Variants in INPP4A observed in about 807,000 individuals in gnomAD.
INPP4A encodes inositol polyphosphate-4-phosphatase type I A.
INPP4A carries 33 observed loss-of-function variants against 119.8 expected under a neutral mutation model. The observed-to-expected ratio is 0.28, with a 90% confidence interval of 0.21 to 0.37. The LOEUF is 0.37. Ranked by LOEUF, INPP4A falls within the 10% of genes least tolerant of loss-of-function variation. The pLI is 1.00. For missense variants in INPP4A, 956 were observed against 1,289.9 expected, an observed-to-expected ratio of 0.74 and a Z score of 3.97; for synonymous variants, 496 against 500.7, an observed-to-expected ratio of 0.99 and a Z score of 0.12.
At chr2:98,528,733 G>A (rs1030776926) in intron 4 of INPP4A, among the ~76,000 whole-genome samples, 10 of 152,182 alleles carry the variant, frequency 6.6e-5, no homozygotes. Flanking sequence ...TGGAGGTCAG[G>A]AAGGTGGTAG....
In INPP4A at chr2:98,500,648, GA is replaced by G. The variant is rs3835898; in HGVS notation, c.-165-18315del. On this transcript the variant is annotated intron_variant, in intron 1 of 24. Coordinates refer to ENST00000409851, the MANE Select transcript of INPP4A (RefSeq NM_001134225.2). ...GGGTCAGTGGATGGGAACTTACTAA[GA>G]GGAAACATTGAGAGTAAAGTGGATT... is the stretch of plus-strand genomic sequence containing the variant. Among the ~76,000 whole-genome samples, 895 of 152,242 alleles carry G rather than the reference GA, an allele frequency of 5.9e-3. 51 individuals carry two copies. The East Asian group carries it at 0.13, about 22-fold the overall frequency.
intron 22 of INPP4A, chr2:98,571,868 C>T (rs965256598): frequency 2.0e-5 from 3 of 152,572 alleles, no homozygotes; most frequent in Admixed American, 2.0e-4. Context: ...AAGCTCCCCT[C>T]CTCTGGGCTC....
intron 1 of INPP4A, among the ~76,000 whole-genome samples, 196 bp downstream of exon 1, chr2:98,445,281 C>G (rs1693997618): frequency 6.6e-6 from 1 of 150,774 alleles, no homozygotes; most frequent in South Asian, 2.1e-4. Flanking sequence ...ACAATCCGAG[C>G]CCGGCCGACC....
intron 13 of INPP4A, chr2:98,548,988 G>A: frequency 1.2e-6 from 2 of 1,611,210 alleles, no homozygotes; most frequent in Non-Finnish European, 1.7e-6. Context: ...TCTGTCTGTG[G>A]AGAGAGTGTC....
intron 13 of INPP4A, chr2:98,552,499 A>G: frequency 1.9e-6 from 1 of 521,644 alleles, no homozygotes; most frequent in East Asian, 4.6e-5. Flanking sequence ...ATGGGATATG[A>G]TTGTTCAATA....
At chr2:98,523,070 AGGGTCATCACAAGAGAGAAGTG>A (rs1687520566) in intron 4 of INPP4A, among the ~76,000 whole-genome samples, 1 of 152,254 alleles carries the variant, frequency 6.6e-6, no homozygotes, top group Non-Finnish European at 1.5e-5. Context: ...TCCAGGAAAC[AGGGTCATCACAAGAGAGAAGTG>A]GAAGGAATCC....
chr2:98,470,887 C>T lies in INPP4A; in HGVS notation c.-166+25802C>T, dbSNP rs181063331. Among the ~76,000 whole-genome samples, 296 of 152,216 alleles carry T rather than the reference C, an allele frequency of 1.9e-3. 1 individual carries two copies. The highest frequency in any genetic ancestry group is 3.8e-3 in the Non-Finnish European group (255 of 67,998). On this transcript the variant is annotated intron_variant, in intron 1 of 24. Transcript: ENST00000409851. ...TTCACCATGTTAGCCAGGCTGATCT[C>T]GAACTCCTGACCTGGTGATCCACCC...
At chr2:98,509,034 G>GC (rs1250963241) in intron 1 of INPP4A, among the ~76,000 whole-genome samples, 2 of 152,206 alleles carry the variant, frequency 1.3e-5, no homozygotes, top group African/African-American at 4.8e-5. Flanking sequence ...TAGCAAGCCA[G>GC]CCCCTCACCC....
intron 4 of INPP4A, among the ~76,000 whole-genome samples, chr2:98,530,804 A>G (rs987263020): frequency 6.6e-6 from 1 of 152,246 alleles, no homozygotes. Context: ...GACAGACACT[A>G]AAATAACTGT....
chr2:98,479,277 G>A (rs1236146682), intron 1 of INPP4A, among the ~76,000 whole-genome samples: 1 of 152,194 alleles, frequency 6.6e-6, no homozygotes, highest in Admixed American at 6.5e-5. Flanking sequence ...CAGTGGTGCT[G>A]ATGGGGGGTA....
intron 4 of INPP4A, among the ~76,000 whole-genome samples, chr2:98,530,865 G>C (rs185888020): frequency 4.9e-4 from 75 of 152,298 alleles, no homozygotes; most frequent in Non-Finnish European, 4.4e-5. Flanking sequence ...GAATATTGTA[G>C]ACTGGGTGAC....
At chr2:98,541,082 C>T (rs1393012187) in intron 10 of INPP4A, among the ~76,000 whole-genome samples, 1 of 152,208 alleles carries the variant, frequency 6.6e-6, no homozygotes, top group Non-Finnish European at 1.5e-5. Flanking sequence ...AATCCCAGCA[C>T]TTTGGGAGGC....
chr2:98,467,777 C>G (rs1675097720), intron 1 of INPP4A, among the ~76,000 whole-genome samples: 1 of 152,140 alleles, frequency 6.6e-6, no homozygotes, highest in Non-Finnish European at 1.5e-5. Flanking sequence ...TAGAAAAGGA[C>G]AAATGAGTTG....
chr2:98,507,608 G>A (rs1684320616), intron 1 of INPP4A, among the ~76,000 whole-genome samples: 1 of 152,092 alleles, frequency 6.6e-6, no homozygotes, highest in African/African-American at 2.4e-5. Context: ...GGCTCAAGCT[G>A]GAGAGAACTG....
intron 1 of INPP4A, among the ~76,000 whole-genome samples, chr2:98,476,651 G>A (rs1297609098): frequency 2.6e-5 from 4 of 152,134 alleles, no homozygotes; most frequent in South Asian, 2.1e-4. Context: ...ATTCTGAAGC[G>A]TGTCCAGCAG....
Position 98,546,508 on chromosome 2 carries a change from C to T in INPP4A, c.1055-78C>T. On this transcript the variant is annotated intron_variant, in intron 12 of 24. Transcript: ENST00000409851. The surrounding 1 kb of genome is among the most constrained non-coding windows in gnomAD (Gnocchi z 4.2). ...TGGGCTGGAGGGTCAGGACCCCAGA[C>T]TTGTGTGCATATCCCTATAGCTGGC... 2 of 976,114 alleles carry T rather than the reference C, an allele frequency of 2.0e-6. No homozygotes were observed. The highest frequency in any genetic ancestry group is 2.9e-5 in the South Asian group (2 of 68,016). 60.5% of individuals were successfully genotyped at this position (976,114 alleles called of 1,614,324 possible).
rs188930425 is a variant in INPP4A, at chr2:98,470,445, C to T, written c.-166+25360C>T. 2.2e-3 allele frequency among the ~76,000 whole-genome samples: 335 copies of T among 152,324 alleles called. 1 individual carries two copies. The highest frequency in any genetic ancestry group is 2.3e-3 in the East Asian group (12 of 5,174). ...TCCTTAGTGGTCTGTCCCTTCCCTC[C>T]GCAGGGAGGCATGGCCCGCTGGGCT... is the stretch of plus-strand genomic sequence containing the variant. On this transcript the variant is annotated intron_variant, in intron 1 of 24. Transcript: ENST00000409851.
chr2:98,507,094 G>A (rs770688353), intron 1 of INPP4A, among the ~76,000 whole-genome samples: 10 of 152,222 alleles, frequency 6.6e-5, no homozygotes, highest in Non-Finnish European at 1.5e-4. Flanking sequence ...GGCCACTGCT[G>A]TTTTGACCAA....
intron 1 of INPP4A, among the ~76,000 whole-genome samples, chr2:98,476,561 G>T (rs1390881203): frequency 6.6e-6 from 1 of 152,158 alleles, no homozygotes; most frequent in Non-Finnish European, 1.5e-5. Flanking sequence ...CAGCCCTGGG[G>T]TGTGTGTGGG....
Sources: gnomAD v4.1 joint callset for allele counts (sites outside exome capture counted in the v4.1 genomes callset) on GRCh38, gnomAD v4.1.1 for gene constraint, Gnocchi (gnomAD v3.1) non-coding constraint, MANE v1.5 for transcripts, NCBI Gene and HGNC (gene_info 2026-07-23, HGNC 2026-07-21) for gene names.